SLC9A2: variants seen among roughly 807,000 people sequenced by gnomAD.
SLC9A2 encodes the protein solute carrier family 9 member A2.
Under a neutral mutation model 71.7 loss-of-function variants are expected in SLC9A2, and 42 were observed. The ratio of observed to expected loss-of-function variants is 0.59; its 90% CI spans 0.46 to 0.76. SLC9A2 has a LOEUF of 0.76. Ranked by LOEUF, SLC9A2 falls within the 30% of genes least tolerant of loss-of-function variation. The pLI is 0.00. For missense variants in SLC9A2, 829 were observed against 1,017.4 expected, an observed-to-expected ratio of 0.81 and a Z score of 2.52; for synonymous variants, 396 against 392.5, an observed-to-expected ratio of 1.01 and a Z score of -0.10.
intron 7 of SLC9A2, among the ~76,000 whole-genome samples, chr2:102,699,022 T>G (rs1018375572): frequency 8.5e-5 from 13 of 152,118 alleles, no homozygotes; most frequent in Admixed American, 7.9e-4. Flanking sequence ...TTACATTCTG[T>G]GCTAGGAGAC....
intron 1 of SLC9A2, among the ~76,000 whole-genome samples, chr2:102,623,012 G>T (rs1676172867): frequency 6.6e-6 from 1 of 152,084 alleles, no homozygotes; most frequent in African/African-American, 2.4e-5. Context: ...TTTGTTAAAG[G>T]CATTCATGCT....
chr2:102,665,773 TAAA>T (rs11426516), intron 3 of SLC9A2, among the ~76,000 whole-genome samples: 53 of 38,772 alleles, frequency 1.4e-3, no homozygotes, highest in East Asian at 6.3e-3. Flanking sequence ...GACTCTGTCT[TAAA>T]AAAAAAAAAA....
intron 3 of SLC9A2, among the ~76,000 whole-genome samples, chr2:102,665,740 C>T (rs947592853): frequency 7.6e-6 from 1 of 131,582 alleles, no homozygotes; most frequent in African/African-American, 2.8e-5. Context: ...TGCCACTGCA[C>T]TCCAGCCTGG....
chr2:102,688,598 C>T (rs1015341768), intron 5 of SLC9A2, among the ~76,000 whole-genome samples: 111 of 152,088 alleles, frequency 7.3e-4, no homozygotes, highest in African/African-American at 2.5e-3. Context: ...CATGGTGGCA[C>T]GTGCCTATAA....
At chr2:102,663,452 G>C (rs772021132) in intron 2 of SLC9A2, among the ~76,000 whole-genome samples, 1 of 152,186 alleles carries the variant, frequency 6.6e-6, no homozygotes, top group African/African-American at 2.4e-5. Context: ...GTAGAAAGGA[G>C]TAAAGAATAA....
chr2:102,668,542 A>T lies in SLC9A2; in HGVS notation c.1004+3192A>T, dbSNP rs184495066. On this transcript the variant is annotated intron_variant, in intron 3 of 11. Coordinates refer to ENST00000233969, the MANE Select transcript of SLC9A2 (RefSeq NM_003048.6). ...TTTAGAAATTCCTATCATACTTTGT[A>T]CTAATTACGCTCTCTCTTTTACCAT... Among the ~76,000 whole-genome samples the T allele has an allele frequency of 3.2e-4, 49 of 152,282 alleles. No individual in the cohort carries two copies. In the East Asian group the frequency reaches 8.1e-3, roughly 25 times the overall value.
intron 3 of SLC9A2, among the ~76,000 whole-genome samples, chr2:102,669,647 ATG>A (rs1677207979): frequency 6.6e-6 from 1 of 152,224 alleles, no homozygotes; most frequent in African/African-American, 2.4e-5. Flanking sequence ...GCCTTGACTC[ATG>A]TGTTTTGAAC....
chr2:102,654,298 G>A (rs1407055058), intron 1 of SLC9A2, among the ~76,000 whole-genome samples: 13 of 145,430 alleles, frequency 8.9e-5, no homozygotes. Context: ...TGGGGGAACA[G>A]AGACATGGTT....
At chr2:102,670,647 A>G (rs1441456672) in intron 3 of SLC9A2, among the ~76,000 whole-genome samples, 1 of 150,072 alleles carries the variant, frequency 6.7e-6, no homozygotes, top group African/African-American at 2.5e-5. Context: ...CCCGATGCAA[A>G]TTTGTAAATG....
At chr2:102,621,743 G>A (rs928024837) in intron 1 of SLC9A2, among the ~76,000 whole-genome samples, 4 of 152,178 alleles carry the variant, frequency 2.6e-5, no homozygotes, top group Admixed American at 6.5e-5. Context: ...GTGCTGAGTA[G>A]GGTGACAAAC....
At chr2:102,691,626 C>G (rs1477768515) in intron 5 of SLC9A2, among the ~76,000 whole-genome samples, 1 of 152,028 alleles carries the variant, frequency 6.6e-6, no homozygotes, top group Non-Finnish European at 1.5e-5. Context: ...CTATTGCAGG[C>G]AATTCAAAGA....
intron 1 of SLC9A2, among the ~76,000 whole-genome samples, chr2:102,632,152 A>ATATGTATG (rs1447118416): frequency 0.13 from 8,664 of 66,352 alleles, 579 homozygotes; most frequent in East Asian, 0.38. Flanking sequence ...ATATACATAT[A>ATATGTATG]TACACATATA....
chr2:102,703,298 T>G (rs929650860), intron 9 of SLC9A2, among the ~76,000 whole-genome samples: 1 of 152,214 alleles, frequency 6.6e-6, no homozygotes, highest in South Asian at 2.1e-4. Context: ...TGGACTCTAT[T>G]TCCAAGTTCC....
chr2:102,630,972 G>A (rs913007062), intron 1 of SLC9A2, among the ~76,000 whole-genome samples: 6 of 151,982 alleles, frequency 3.9e-5, no homozygotes, highest in African/African-American at 1.4e-4. Context: ...TATGTAGATT[G>A]TAGTTTTAAT....
intron 1 of SLC9A2, among the ~76,000 whole-genome samples, chr2:102,650,855 C>T (rs934328890): frequency 1.3e-5 from 2 of 152,102 alleles, no homozygotes; most frequent in Non-Finnish European, 2.9e-5. Context: ...CTCTAGTGCT[C>T]CCTAGAAATC....
intron 1 of SLC9A2, among the ~76,000 whole-genome samples, chr2:102,641,690 C>T (rs2104508435): frequency 6.6e-6 from 1 of 152,150 alleles, no homozygotes; most frequent in South Asian, 2.1e-4. Context: ...TCCCTGTAAA[C>T]TGTAAACTCC....
In SLC9A2 at chr2:102,665,313, A is replaced by G. The variant is rs566829827; in HGVS notation, c.967A>G (p.Ile323Val). 3.2e-5 allele frequency: 52 copies of G among 1,614,004 alleles called. 1 individual carries two copies. In the South Asian group the frequency reaches 5.5e-4, roughly 17 times the overall value. ...TTTCCTGTACAGTTATTTGTCCTAC[A>G]TCACAGCTGAAATGTTTCACCTCTC... ...FVFLYSYLSY[I>V]TAEMFHLSGI... is the part of the protein sequence containing the mutation. The change falls in exon 3 of 12, where the codon ATC becomes GTC. Residue 323 changes from isoleucine to valine, a missense_variant. Physicochemically the swap from Ile to Val is conservative, Grantham distance 29. Coordinates refer to ENST00000233969, the MANE Select transcript of SLC9A2 (RefSeq NM_003048.6).
At chr2:102,635,977 C>T (rs1275506176) in intron 1 of SLC9A2, among the ~76,000 whole-genome samples, 4 of 150,940 alleles carry the variant, frequency 2.7e-5, no homozygotes, top group African/African-American at 4.9e-5. Context: ...TGTTACTGTT[C>T]CTAAATCTTG....
intron 7 of SLC9A2, among the ~76,000 whole-genome samples, chr2:102,698,006 G>A (rs973265635): frequency 6.6e-6 from 1 of 152,112 alleles, no homozygotes; most frequent in Non-Finnish European, 1.5e-5. Flanking sequence ...GAAAGGTGTG[G>A]AAATGAAGCA....
Sources: gnomAD v4.1 joint callset for allele counts (sites outside exome capture counted in the v4.1 genomes callset) on GRCh38, gnomAD v4.1.1 for gene constraint, MANE v1.5 for transcripts, NCBI Gene and HGNC (gene_info 2026-07-23, HGNC 2026-07-21) for gene names.